The following DGKB variants were observed in gnomAD, a reference collection of about 807,000 sequenced individuals.
DGKB encodes diacylglycerol kinase beta, also known as 90 kDa diacylglycerol kinase.
DGKB carries 67 observed loss-of-function variants against 114.3 expected under a neutral mutation model. The observed-to-expected ratio is 0.59, with a 90% CI of 0.48 to 0.72. DGKB has a LOEUF of 0.72. Among genes scored for constraint, DGKB ranks in the 30% least tolerant of loss-of-function variants. DGKB has a pLI of 0.00. For synonymous variants in DGKB, 398 were observed against 323.1 expected, an observed-to-expected ratio of 1.23 and a Z score of -2.49; for missense variants, 907 against 975.2, an observed-to-expected ratio of 0.93 and a Z score of 0.93.
intron 5 of DGKB, among the ~76,000 whole-genome samples, chr7:14,726,760 T>G (rs957565289): frequency 1.3e-5 from 2 of 152,242 alleles, no homozygotes; most frequent in African/African-American, 4.8e-5. Flanking sequence ...ACGTATGATT[T>G]TTCTTATTGC....
chr7:14,909,529 A>G (rs903403936), intron 1 of DGKB, among the ~76,000 whole-genome samples: 1 of 152,202 alleles, frequency 6.6e-6, no homozygotes, highest in Non-Finnish European at 1.5e-5. Flanking sequence ...TTCATTTAAC[A>G]TGTTTAAAAT....
chr7:14,921,551 A>C (rs945849304), intron 1 of DGKB, among the ~76,000 whole-genome samples: 1 of 152,202 alleles, frequency 6.6e-6, no homozygotes, highest in Non-Finnish European at 1.5e-5. Context: ...AAAAATTTGC[A>C]ATGTCTGCAA....
chr7:14,501,024 T>C (rs1786086168), intron 20 of DGKB, among the ~76,000 whole-genome samples: 1 of 151,816 alleles, frequency 6.6e-6, no homozygotes, highest in South Asian at 2.1e-4. Flanking sequence ...CAGAAAATAT[T>C]AATAAGCTTG....
chr7:14,377,179 T>C (rs1443689325), intron 21 of DGKB, among the ~76,000 whole-genome samples: 1 of 152,160 alleles, frequency 6.6e-6, no homozygotes, highest in Admixed American at 6.5e-5. Context: ...TGACCCACAG[T>C]GCAGAATTGT....
chr7:14,259,403 CTCTCTATATATA>C (rs747190720), intron 23 of DGKB, among the ~76,000 whole-genome samples: 2,877 of 110,352 alleles, frequency 0.026, 41 homozygotes, highest in African/African-American at 0.052. Flanking sequence ...CTCTCTCTCT[CTCTCTATATATA>C]TATATATATA....
chr7:14,160,198 C>T (rs1783666198), intron 25 of DGKB, among the ~76,000 whole-genome samples: 1 of 152,062 alleles, frequency 6.6e-6, no homozygotes, highest in South Asian at 2.1e-4. Flanking sequence ...GGAAGCATTC[C>T]CTTTGAAAAC....
At chr7:14,516,381 T>A (rs987128910) in intron 20 of DGKB, among the ~76,000 whole-genome samples, 3 of 152,204 alleles carry the variant, frequency 2.0e-5, no homozygotes, top group Non-Finnish European at 4.4e-5. Flanking sequence ...CTTTCTTGCC[T>A]AGTTGAAGGG....
intron 1 of DGKB, among the ~76,000 whole-genome samples, chr7:14,957,257 A>G (rs537910252): frequency 6.6e-6 from 1 of 152,116 alleles, no homozygotes; most frequent in African/African-American, 2.4e-5. Flanking sequence ...AAAAGACTAC[A>G]TTACTTATGG....
intron 1 of DGKB, among the ~76,000 whole-genome samples, chr7:14,925,185 C>T (rs1168710687): frequency 1.3e-5 from 2 of 152,116 alleles, no homozygotes; most frequent in African/African-American, 4.8e-5. Flanking sequence ...TGAAGGATAC[C>T]TAAGTTTTTT....
chr7:14,290,294 A>G (rs1161174810), intron 23 of DGKB, among the ~76,000 whole-genome samples: 2 of 152,182 alleles, frequency 1.3e-5, no homozygotes, highest in Non-Finnish European at 2.9e-5. Flanking sequence ...TGAATTCCAG[A>G]GAATGACTGA....
chr7:14,690,615 G>C (rs1822660013), intron 9 of DGKB, among the ~76,000 whole-genome samples: 1 of 152,178 alleles, frequency 6.6e-6, no homozygotes, highest in Non-Finnish European at 1.5e-5. Context: ...AGCTTTTGTG[G>C]TTCATTTACA....
At chr7:14,901,842 G>T (rs1783129840) in intron 1 of DGKB, among the ~76,000 whole-genome samples, 2 of 152,140 alleles carry the variant, frequency 1.3e-5, no homozygotes, top group Non-Finnish European at 1.5e-5. Flanking sequence ...ACCAGTTGAA[G>T]TTGTTTTATA....
At chr7:14,784,777 G>A (rs1384317883) in intron 2 of DGKB, among the ~76,000 whole-genome samples, 1 of 149,102 alleles carries the variant, frequency 6.7e-6, no homozygotes, top group Non-Finnish European at 1.5e-5. Context: ...AATTTTGTTT[G>A]CCCCAGGGCA....
chr7:14,859,546 T>C (rs942637731), intron 1 of DGKB, among the ~76,000 whole-genome samples: 24 of 152,174 alleles, frequency 1.6e-4, no homozygotes, highest in Admixed American at 1.0e-3. Context: ...TGGGTTACAA[T>C]AGATATAGAA....
At chr7:14,458,002 G>A (rs1407627468) in intron 21 of DGKB, among the ~76,000 whole-genome samples, 2 of 152,336 alleles carry the variant, frequency 1.3e-5, no homozygotes, top group East Asian at 1.9e-4. Context: ...GCAAGGCTGA[G>A]TGCATGTGGG....
At chr7:14,923,246 T>C (rs1198797755) in intron 1 of DGKB, among the ~76,000 whole-genome samples, 1 of 152,218 alleles carries the variant, frequency 6.6e-6, no homozygotes, top group African/African-American at 2.4e-5. Context: ...GTTTATGGAC[T>C]TCCTGAATCT....
At chr7:14,686,094 T>C (rs1457112774) in intron 9 of DGKB, among the ~76,000 whole-genome samples, 1 of 152,216 alleles carries the variant, frequency 6.6e-6, no homozygotes, top group South Asian at 2.1e-4. Context: ...ACTGTATTAA[T>C]ATTTTTATTT....
intron 1 of DGKB, among the ~76,000 whole-genome samples, chr7:14,939,338 A>G (rs1174660826): frequency 6.6e-6 from 1 of 152,164 alleles, no homozygotes; most frequent in Non-Finnish European, 1.5e-5. Flanking sequence ...TTGAGTGCTG[A>G]AAAAAGTAGT....
intron 19 of DGKB, among the ~76,000 whole-genome samples, chr7:14,577,931 T>G (rs1799401331): frequency 6.6e-6 from 1 of 152,178 alleles, no homozygotes; most frequent in South Asian, 2.1e-4. Flanking sequence ...TGCAACTGCA[T>G]AAAGTACTTA....
Sources: allele counts gnomAD v4.1 joint callset (sites outside exome capture counted in the v4.1 genomes callset), GRCh38; gene constraint gnomAD v4.1.1; transcripts MANE v1.5; gene names NCBI Gene and HGNC (gene_info 2026-07-23, HGNC 2026-07-21).